The following IPP variants were observed in gnomAD, a reference collection of about 807,000 sequenced individuals.
IPP encodes the protein intracisternal A particle-promoted polypeptide.
Under a neutral mutation model 64.1 loss-of-function variants are expected in IPP, and 41 were observed. The ratio of observed to expected loss-of-function variants is 0.64; its 90% CI spans 0.50 to 0.83. IPP has a LOEUF of 0.83. IPP is among the 40% of genes least tolerant of loss of function. IPP has a pLI of 0.00. For synonymous variants in IPP, 214 were observed against 235.2 expected, an observed-to-expected ratio of 0.91 and a Z score of 0.83; for missense variants, 649 against 703.0, an observed-to-expected ratio of 0.92 and a Z score of 0.87.
chr1:45,711,660 A>C (rs1010106635), intron 8 of IPP, among the ~76,000 whole-genome samples: 11 of 152,026 alleles, frequency 7.2e-5, no homozygotes, highest in African/African-American at 2.7e-4. Context: ...TGGTTGAGGC[A>C]CAAGAATCGC....
intron 3 of IPP, among the ~76,000 whole-genome samples, chr1:45,740,518 C>G (rs1261058492): frequency 6.6e-6 from 1 of 152,104 alleles, no homozygotes; most frequent in East Asian, 1.9e-4. Flanking sequence ...CCCCACCTCC[C>G]TCCCAGACAG....
rs201149167 is a variant in IPP at position 45,746,281 on chromosome 1, C to T, written c.131G>A (p.Gly44Glu). The T allele has an allele frequency of 2.2e-5, 35 of 1,614,208 alleles. No homozygotes were observed. The East Asian group carries it at 7.1e-4, about 33-fold the overall frequency. The stretch of plus-strand genomic sequence containing the variant: ...CCGATGAGCTTTAAAACTTTCCTGT[C>T]CAACTTGCAGCTGCACATCACAGAA... ...QHFCDVQLQV[G>E]QESFKAHRLV... Residue 44 changes from glycine to glutamate, a missense_variant, in exon 2 of 9, where the codon GGA (glycine) becomes GAA (glutamate). By Grantham distance (98) the Gly-to-Glu change is moderately conservative. Coordinates refer to ENST00000396478, the MANE Select transcript of IPP (RefSeq NM_005897.3).
chr1:45,700,505 C>T (rs967999350), intron 8 of IPP, among the ~76,000 whole-genome samples: 2 of 151,966 alleles, frequency 1.3e-5, no homozygotes, highest in African/African-American at 4.8e-5. Flanking sequence ...CCACACCTAG[C>T]TAATTTTTCT....
intron 3 of IPP, among the ~76,000 whole-genome samples, chr1:45,731,372 T>C (rs1336817755): frequency 6.6e-6 from 1 of 152,098 alleles, no homozygotes; most frequent in East Asian, 1.9e-4. Flanking sequence ...GCCCAGGAAG[T>C]CAAGGCTTCA....
At chr1:45,712,612 C>G (rs540521810) in intron 8 of IPP, among the ~76,000 whole-genome samples, 1 of 151,720 alleles carries the variant, frequency 6.6e-6, no homozygotes, top group Non-Finnish European at 1.5e-5. Flanking sequence ...AATCCCAGCA[C>G]TTTGGGAGGC....
In IPP at chr1:45,737,707, A is replaced by G. The variant is rs189826834; in HGVS notation, c.724+3194T>C. ...ACTCCTAGGCTCAAGTGATCTGCCC[A>G]CCTCATCCTCCCAAAGTGCGGGGAT... On this transcript the variant is annotated intron_variant, in intron 3 of 8. Coordinates refer to ENST00000396478, the MANE Select transcript of IPP (RefSeq NM_005897.3). Among the ~76,000 whole-genome samples the G allele has an allele frequency of 3.3e-4, 50 of 152,130 alleles. No homozygotes were observed. The South Asian group carries it at 3.5e-3, about 11-fold the overall frequency.
rs376080591 is a variant in IPP at position 45,724,213 on chromosome 1, A to C, written c.1048+3418T>G. ...TGGCCGGGCTGGTCTCCAGCTCCTA[A>C]CCGCGAGTGATCCGCCAGCCTTCGC... On this transcript the variant is annotated intron_variant, in intron 5 of 8. Coordinates refer to ENST00000396478, the MANE Select transcript of IPP (RefSeq NM_005897.3). Among the ~76,000 whole-genome samples, 88 of 152,188 alleles carry C rather than the reference A, an allele frequency of 5.8e-4. 1 individual carries two copies. In the East Asian group the frequency reaches 0.017, roughly 29 times the overall value.
At chr1:45,742,496 A>C (rs1366465472) in intron 2 of IPP, among the ~76,000 whole-genome samples, 3 of 152,228 alleles carry the variant, frequency 2.0e-5, no homozygotes, top group African/African-American at 7.2e-5. Context: ...CAAGGTCTCT[A>C]TCTTCAATTA....
chr1:45,694,465 G>T (rs772288062), downstream of IPP: 19 of 1,544,874 alleles, frequency 1.2e-5, no homozygotes, highest in South Asian at 2.0e-4. Flanking sequence ...TCATTGAAAA[G>T]AATGCACATA....
Position 45,699,631 on chromosome 1 carries a change from T to A in IPP, c.*335A>T. ...ATTGGGATATATTCCATATCCATTCTCACTCATATTTTTAGAAAAATCATT... is the reference window on the plus strand; with the variant it reads ...ATTGGGATATATTCCATATCCATTCACACTCATATTTTTAGAAAAATCATT... On this transcript the variant is annotated 3_prime_UTR_variant, in exon 9 of 9. Coordinates refer to ENST00000396478, the MANE Select transcript of IPP (RefSeq NM_005897.3). 1 of 1,048,478 alleles carries A rather than the reference T, an allele frequency of 9.5e-7. No individual in the cohort carries two copies. The highest frequency in any genetic ancestry group is 1.2e-6 in the Non-Finnish European group (1 of 866,584). 64.9% of individuals were successfully genotyped at this position (1,048,478 alleles called of 1,614,324 possible). A position where few individuals can be genotyped will look rare whatever the true frequency, so the allele number is the denominator to read the frequency against.
In IPP at chr1:45,740,994, C is replaced by A; in HGVS notation, c.631G>T (p.Asp211Tyr). ...ACATGTTTTCTTCTTTTTCCCAAAT[C>A]TTTCAGAATCCATTGCATTGCAGCT... Reference protein sequence around the residue: ...FLAAMQWILKDLGKRRKHVVE... With the variant: ...FLAAMQWILKYLGKRRKHVVE... Residue 211 changes from aspartate (D) to tyrosine (Y), a missense_variant, in exon 3 of 9, where the codon GAT becomes TAT. Physicochemically the swap from Asp to Tyr is radical, Grantham distance 160. Transcript: ENST00000396478. 6.2e-7 allele frequency: 1 copy of A among 1,613,904 alleles called. No homozygotes were observed. The highest frequency in any genetic ancestry group is 8.5e-7 in the Non-Finnish European group (1 of 1,179,874).
intron 5 of IPP, among the ~76,000 whole-genome samples, chr1:45,726,233 T>G (rs1276607405): frequency 6.8e-6 from 1 of 147,778 alleles, no homozygotes; most frequent in Non-Finnish European, 1.5e-5. Flanking sequence ...CTGAGGCGGA[T>G]GGATCACCTG....
intron 3 of IPP, among the ~76,000 whole-genome samples, chr1:45,738,597 T>C (rs1190917706): frequency 6.6e-6 from 1 of 152,026 alleles, no homozygotes; most frequent in Non-Finnish European, 1.5e-5. Flanking sequence ...TCCCAGCACT[T>C]TGGGAGGCCG....
intron 7 of IPP, among the ~76,000 whole-genome samples, 172 bp downstream of exon 7, chr1:45,716,723 A>C (rs1247316163): frequency 6.6e-6 from 1 of 152,234 alleles, no homozygotes; most frequent in Non-Finnish European, 1.5e-5. Context: ...TTATTTTAGC[A>C]ATACAGAAAT....
chr1:45,738,899 T>C (rs1013325941), intron 3 of IPP, among the ~76,000 whole-genome samples: 11 of 150,768 alleles, frequency 7.3e-5, no homozygotes, highest in Non-Finnish European at 1.0e-4. Context: ...AAGGCTCTAT[T>C]GACTATGTGA....
At chr1:45,703,678 C>T (rs925799667) in intron 8 of IPP, among the ~76,000 whole-genome samples, 1 of 152,060 alleles carries the variant, frequency 6.6e-6, no homozygotes, top group African/African-American at 2.4e-5. Flanking sequence ...ACCAGGGAAA[C>T]TCAAGTTACT....
intron 4 of IPP, among the ~76,000 whole-genome samples, chr1:45,728,714 T>A (rs1250132596): frequency 6.6e-6 from 1 of 152,118 alleles, no homozygotes; most frequent in Non-Finnish European, 1.5e-5. Context: ...TAGACTGGTC[T>A]TGAACTTCTG....
At chr1:45,747,871 T>C (rs1283724799) in intron 1 of IPP, among the ~76,000 whole-genome samples, 1 of 93,572 alleles carries the variant, frequency 1.1e-5, no homozygotes, top group Non-Finnish European at 2.2e-5. Flanking sequence ...AAAAAAACCA[T>C]GAGATCCTGT....
At chr1:45,711,999 G>C (rs1645596897) in intron 8 of IPP, among the ~76,000 whole-genome samples, 1 of 152,056 alleles carries the variant, frequency 6.6e-6, no homozygotes, top group African/African-American at 2.4e-5. Context: ...GGACAGACAA[G>C]GGAAGATCTG....
Sources: allele counts gnomAD v4.1 joint callset (sites outside exome capture counted in the v4.1 genomes callset), GRCh38; gene constraint gnomAD v4.1.1; transcripts MANE v1.5; gene names NCBI Gene and HGNC (gene_info 2026-07-23, HGNC 2026-07-21).